Variants in PARP4 observed in about 807,000 individuals in gnomAD.
PARP4 encodes poly(ADP-ribose) polymerase family member 4, also known as protein mono-ADP-ribosyltransferase PARP4.
A neutral mutation model predicts 187.7 loss-of-function variants in PARP4; 120 were observed. The ratio of observed to expected loss-of-function variants is 0.64; its 90% CI spans 0.55 to 0.74. The LOEUF (loss-of-function observed/expected upper bound fraction) is 0.74. PARP4 is among the 30% of genes least tolerant of loss of function. The pLI, the probability that PARP4 is intolerant of heterozygous loss-of-function variation, is 0.00. For synonymous variants in PARP4, 654 were observed against 740.9 expected (o/e 0.88, Z 1.90); for missense variants, 1,836 against 2,070.5 (o/e 0.89, Z 2.20).
chr13:24,472,357 G>A (rs1872761360), intron 15 of PARP4, among the ~76,000 whole-genome samples: 1 of 152,148 alleles, frequency 6.6e-6, no homozygotes, highest in African/African-American at 2.4e-5. Flanking sequence ...GCTCTGAGCT[G>A]CCTTGAGGAT....
intron 9 of PARP4, 111 bp from the exon 10 acceptor site, chr13:24,490,939 G>C: frequency 9.9e-7 from 1 of 1,006,020 alleles, no homozygotes; most frequent in Non-Finnish European, 1.5e-6. Flanking sequence ...TTCCCCCAAA[G>C]CTTGTTTTAC....
At chr13:24,427,334 A>AT (rs1460124237) in intron 32 of PARP4, among the ~76,000 whole-genome samples, 1 of 151,526 alleles carries the variant, frequency 6.6e-6, no homozygotes, top group African/African-American at 2.4e-5. Flanking sequence ...GTTGAACTCA[A>AT]TTAACAACCC....
At chr13:24,476,399 G>C (rs1231267234) in intron 14 of PARP4, among the ~76,000 whole-genome samples, 2 of 152,084 alleles carry the variant, frequency 1.3e-5, no homozygotes, top group East Asian at 1.9e-4. Context: ...CCTGAATCCA[G>C]GTGTCTGCAT....
At position 24,464,717 on chromosome 13, in the gene PARP4, C is replaced by T. The variant is rs918389848; in HGVS notation, c.2133+4307G>A. On this transcript the variant is annotated intron_variant, in intron 17 of 33. Transcript: ENST00000381989. ...CTCTAGAAGAAAATCTAGGCAATAC[C>T]ATTCAGGACATAGGCACAGTCAAAG... Among the ~76,000 whole-genome samples, 6 of 152,148 alleles carry T rather than the reference C, an allele frequency of 3.9e-5. No homozygotes were observed. In the South Asian group the frequency reaches 1.2e-3, roughly 32 times the overall value.
intron 1 of PARP4, among the ~76,000 whole-genome samples, chr13:24,505,761 A>T (rs1039454745): frequency 6.6e-6 from 1 of 152,216 alleles, no homozygotes; most frequent in Non-Finnish European, 1.5e-5. Flanking sequence ...GTCAATTTTT[A>T]AAAACAAGGA....
intron 2 of PARP4, among the ~76,000 whole-genome samples, chr13:24,502,221 T>C (rs1869339309): frequency 6.6e-6 from 1 of 152,182 alleles, no homozygotes; most frequent in Non-Finnish European, 1.5e-5. Flanking sequence ...AATCTTGTTT[T>C]TTTTGTAGAG....
chr13:24,490,315 C>T (rs1047709815), intron 10 of PARP4, among the ~76,000 whole-genome samples: 2 of 152,136 alleles, frequency 1.3e-5, no homozygotes, highest in African/African-American at 4.8e-5. Flanking sequence ...CACAGAGAGG[C>T]CACGTTAGAG....
chr13:24,423,111 A>G (rs183629370), intron 33 of PARP4, among the ~76,000 whole-genome samples: 106 of 152,368 alleles, frequency 7.0e-4, no homozygotes, highest in African/African-American at 2.4e-3. Flanking sequence ...TCTAAATAGA[A>G]TAAATGCGTC....
chr13:24,441,869 G>C lies in PARP4; in HGVS notation c.3643C>G (p.Pro1215Ala). Residue 1215 changes from proline (P) to alanine (A), a missense_variant, in exon 30 of 34, where the codon CCC becomes GCC. Pro to Ala is a conservative substitution (Grantham distance 27). Around this residue, in one of 8 missense-constraint regions of PARP4, gnomAD observed 47 missense variants for 99.5 expected, o/e 0.47. Transcript: ENST00000381989. The stretch of plus-strand genomic sequence containing the variant: ...ACCTGGTTCCTGACGGCTTCTTGGG[G>C]CTCCCCCTGCCAGCTCATGTAGGGC... ...FLPYMSWQGE[P>A]QEAVRNQSLL... The C allele has an allele frequency of 6.3e-7, 1 of 1,599,940 alleles. No homozygotes were observed.
At chr13:24,468,730 G>A (rs1872597673) in intron 17 of PARP4, among the ~76,000 whole-genome samples, 1 of 152,156 alleles carries the variant, frequency 6.6e-6, no homozygotes, top group African/African-American at 2.4e-5. Context: ...ATCAGAAGAT[G>A]AAAGTTATAT....
chr13:24,456,774 C>G (rs766243786), intron 20 of PARP4, among the ~76,000 whole-genome samples: 2 of 151,924 alleles, frequency 1.3e-5, no homozygotes, highest in Non-Finnish European at 2.9e-5. Context: ...ATGGTGGGCA[C>G]CTGTACTCCC....
intron 1 of PARP4, among the ~76,000 whole-genome samples, chr13:24,508,999 C>T (rs1333150590): frequency 9.9e-5 from 15 of 152,128 alleles, no homozygotes; most frequent in Non-Finnish European, 1.5e-5. Context: ...TCATAAAAAG[C>T]TATGATGAAC....
chr13:24,481,111 C>T (rs562590458), intron 12 of PARP4, among the ~76,000 whole-genome samples: 2 of 152,250 alleles, frequency 1.3e-5, no homozygotes, highest in South Asian at 2.1e-4. Flanking sequence ...TTAAGAATTG[C>T]GCTAAATCTA....
In PARP4 at chr13:24,444,161, C is replaced by T. The variant is rs538742069; in HGVS notation, c.3367-431G>A. ...GGTGAAGACTGCACAATGTGCACCA[C>T]CAGGTGCTTCCTCTCCAACAACTGA... is the stretch of plus-strand genomic sequence containing the variant. On this transcript the variant is annotated intron_variant, in intron 27 of 33. Transcript: ENST00000381989. Among the ~76,000 whole-genome samples the T allele has an allele frequency of 2.6e-5, 4 of 152,386 alleles. No homozygotes were observed. The East Asian group carries it at 7.7e-4, about 29-fold the overall frequency.
chr13:24,440,232 T>C (rs1459126296), intron 30 of PARP4, among the ~76,000 whole-genome samples: 1 of 151,886 alleles, frequency 6.6e-6, no homozygotes, highest in Non-Finnish European at 1.5e-5. Flanking sequence ...ACCCCATCTC[T>C]ACTAAAAATA....
chr13:24,449,952 G>C, intron 24 of PARP4, 135 bp from the exon 25 acceptor site: 1 of 491,524 alleles, frequency 2.0e-6, no homozygotes, highest in East Asian at 3.4e-5. Context: ...GTGTCGCTGA[G>C]GTTAAACAGA....
In PARP4 at chr13:24,447,088, G is replaced by C; in HGVS notation, c.3213C>G (p.Ala1071=). The C allele has an allele frequency of 6.2e-7, 1 of 1,612,532 alleles. No homozygotes were observed. Among genetic ancestry groups the C allele is most frequent in the African/African-American group, 1.3e-5 (1 of 75,026 alleles). Reference sequence around the variant, plus strand: ...GAAACAAGGACGGCACCTGGGCTGGGGCCTGCAGGGCCTCGGGCACATCTG... The same window carrying C: ...GAAACAAGGACGGCACCTGGGCTGGCGCCTGCAGGGCCTCGGGCACATCTG... ...LNPDVPEALQ[A]PAQVPSLFLN... The change falls in exon 26 of 34, where the codon GCC becomes GCG. Residue 1071 remains alanine, a synonymous_variant. Coordinates refer to ENST00000381989, the MANE Select transcript of PARP4 (RefSeq NM_006437.4).
intron 15 of PARP4, among the ~76,000 whole-genome samples, chr13:24,473,361 T>A (rs1459727698): frequency 6.6e-6 from 1 of 152,196 alleles, no homozygotes; most frequent in Non-Finnish European, 1.5e-5. Flanking sequence ...GCAATATACA[T>A]GTTTGTTACA....
chr13:24,505,948 G>A (rs1482684573), intron 1 of PARP4, among the ~76,000 whole-genome samples: 1 of 152,202 alleles, frequency 6.6e-6, no homozygotes, highest in Non-Finnish European at 1.5e-5. Context: ...AAAGCCCACC[G>A]CCCTGCACCG....
Sources: gnomAD v4.1 joint callset for allele counts (sites outside exome capture counted in the v4.1 genomes callset) on GRCh38, gnomAD v4.1.1 for gene constraint, gnomAD v4.1.1 regional missense constraint, MANE v1.5 for transcripts, NCBI Gene and HGNC (gene_info 2026-07-23, HGNC 2026-07-21) for gene names.